Variants in XYLT1 observed in about 807,000 individuals in gnomAD.
The protein encoded by XYLT1 is xylosyltransferase 1, also known as beta-D-xylosyltransferase 1.
A neutral mutation model predicts 91.3 loss-of-function variants in XYLT1; 36 were observed. The observed-to-expected ratio is 0.39, with a 90% CI of 0.30 to 0.52. The LOEUF is 0.52. Ranked by LOEUF, XYLT1 falls within the 20% of genes least tolerant of loss-of-function variation. XYLT1 has a pLI of 0.68. For missense variants in XYLT1, 1,242 were observed against 1,284.5 expected, an observed-to-expected ratio of 0.97 and a Z score of 0.51; for synonymous variants, 588 against 532.0, an observed-to-expected ratio of 1.11 and a Z score of -1.45.
intron 2 of XYLT1, among the ~76,000 whole-genome samples, chr16:17,323,606 T>G (rs1019428059): frequency 6.6e-6 from 1 of 152,214 alleles, no homozygotes; most frequent in Non-Finnish European, 1.5e-5. Context: ...ACGGTTCACT[T>G]TATTCCCAGC....
intron 3 of XYLT1, among the ~76,000 whole-genome samples, chr16:17,224,884 A>G (rs779133617): frequency 6.6e-6 from 1 of 152,220 alleles, no homozygotes; most frequent in Non-Finnish European, 1.5e-5. Flanking sequence ...TTTGTGGGCC[A>G]TATGGTTCTC....
At position 17,304,699 on chromosome 16, in the gene XYLT1, A is replaced by C. The variant is rs73529390; in HGVS notation, c.403-45201T>G. ...AGTCATGGGAACCAAACAGGCTCTG[A>C]CCAAAGTTGCTGGACCAGTTAAACC... On this transcript the variant is annotated intron_variant, in intron 2 of 11. Coordinates refer to ENST00000261381, the MANE Select transcript of XYLT1 (RefSeq NM_022166.4). 5.6e-3 allele frequency among the ~76,000 whole-genome samples: 848 copies of C among 152,212 alleles called. 9 individuals carry two copies. Among genetic ancestry groups the C allele is most frequent in the African/African-American group, 0.019 (793 of 41,526 alleles).
chr16:17,222,515 C>A (rs373539719), intron 3 of XYLT1, among the ~76,000 whole-genome samples: 1 of 152,160 alleles, frequency 6.6e-6, no homozygotes, highest in African/African-American at 2.4e-5. Context: ...CTAGACCGGG[C>A]GCAGTGGCTT....
At chr16:17,427,184 A>T (rs1448853265) in intron 1 of XYLT1, among the ~76,000 whole-genome samples, 1 of 152,250 alleles carries the variant, frequency 6.6e-6, no homozygotes, top group African/African-American at 2.4e-5. Context: ...GTGTCCACGG[A>T]AGAGAAGGGA....
Position 17,107,002 on chromosome 16 carries a change from A to G in XYLT1, c.*1693T>C, listed in dbSNP as rs1597123193. 6.6e-6 allele frequency: 1 copy of G among 152,120 alleles called. No homozygotes were observed. Among genetic ancestry groups the G allele is most frequent in the East Asian group, 1.9e-4 (1 of 5,186 alleles). The allele number at this position is 152,120 out of a possible 1,614,324, so 9.4% of individuals were successfully genotyped here. On this transcript the variant is annotated 3_prime_UTR_variant, in exon 12 of 12. Transcript: ENST00000261381. ...ACACCAGGGGGTGGGAAAAGATGGG[A>G]AAAGGGGCCTTTTGTGAATAAAGGC... is the stretch of plus-strand genomic sequence containing the variant.
At chr16:17,189,632 G>A (rs1000548410) in intron 5 of XYLT1, among the ~76,000 whole-genome samples, 3 of 152,204 alleles carry the variant, frequency 2.0e-5, no homozygotes, top group African/African-American at 7.2e-5. Context: ...TAGAATATCA[G>A]CCATAAAAAG....
chr16:17,329,516 A>T (rs1368350632), intron 2 of XYLT1, among the ~76,000 whole-genome samples: 6 of 152,182 alleles, frequency 3.9e-5, no homozygotes, highest in Non-Finnish European at 8.8e-5. Context: ...TCAGTCAAAA[A>T]TGGCCTTTCT....
At chr16:17,232,405 C>CTGTG (rs1199361319) in intron 3 of XYLT1, among the ~76,000 whole-genome samples, 1,862 of 119,082 alleles carry the variant, frequency 0.016, 46 homozygotes, top group African/African-American at 0.052. Flanking sequence ...GTGTCTGTGT[C>CTGTG]TGTGTGTGTG....
intron 3 of XYLT1, among the ~76,000 whole-genome samples, chr16:17,230,198 G>A (rs1352455146): frequency 2.6e-5 from 4 of 152,176 alleles, no homozygotes; most frequent in Admixed American, 6.5e-5. Context: ...TGGTTGAAGC[G>A]ATTTGTTATG....
intron 2 of XYLT1, among the ~76,000 whole-genome samples, chr16:17,328,492 T>C (rs1165178601): frequency 1.5e-5 from 2 of 133,194 alleles, no homozygotes; most frequent in Non-Finnish European, 3.0e-5. Context: ...GAGGTTGCAG[T>C]GAGCTGAGAT....
intron 2 of XYLT1, among the ~76,000 whole-genome samples, chr16:17,335,428 C>T (rs1354697973): frequency 6.6e-6 from 1 of 152,032 alleles, no homozygotes; most frequent in Non-Finnish European, 1.5e-5. Context: ...AATCATTCAT[C>T]GAGTGTAATC....
At chr16:17,150,347 T>C (rs2031252204) in intron 6 of XYLT1, among the ~76,000 whole-genome samples, 1 of 152,226 alleles carries the variant, frequency 6.6e-6, no homozygotes, top group African/African-American at 2.4e-5. Context: ...GAGGAATTCA[T>C]TCCTTTAGCA....
chr16:17,408,234 T>A (rs2036059338), intron 1 of XYLT1, among the ~76,000 whole-genome samples: 1 of 152,234 alleles, frequency 6.6e-6, no homozygotes. Context: ...GAATAAATGA[T>A]GTTTTGCTTT....
intron 2 of XYLT1, among the ~76,000 whole-genome samples, chr16:17,268,024 C>T (rs745681139): frequency 2.0e-5 from 3 of 152,084 alleles, no homozygotes; most frequent in Non-Finnish European, 4.4e-5. Context: ...TTGGGGGTCC[C>T]TGAGGCCTTC....
At chr16:17,449,690 C>T (rs1031768015) in intron 1 of XYLT1, among the ~76,000 whole-genome samples, 2 of 152,164 alleles carry the variant, frequency 1.3e-5, no homozygotes, top group African/African-American at 4.8e-5. Context: ...ATGGTAGCTG[C>T]TAATTACTAT....
chr16:17,450,942 T>C (rs1043472507), intron 1 of XYLT1, among the ~76,000 whole-genome samples: 3 of 152,046 alleles, frequency 2.0e-5, no homozygotes, highest in African/African-American at 7.3e-5. Flanking sequence ...AAGTTCCGAG[T>C]TGGGGACATC....
At chr16:17,342,301 A>C (rs2035072945) in intron 2 of XYLT1, among the ~76,000 whole-genome samples, 1 of 152,154 alleles carries the variant, frequency 6.6e-6, no homozygotes, top group Non-Finnish European at 1.5e-5. Context: ...TTGCTCAAAC[A>C]CTGCTGCATG....
At chr16:17,200,018 C>T (rs934693393) in intron 4 of XYLT1, among the ~76,000 whole-genome samples, 2 of 151,752 alleles carry the variant, frequency 1.3e-5, no homozygotes, top group Non-Finnish European at 2.9e-5. Context: ...GTCAAGAGAT[C>T]GAGACCATCC....
At chr16:17,459,128 T>C (rs1274650603) in intron 1 of XYLT1, among the ~76,000 whole-genome samples, 1 of 152,098 alleles carries the variant, frequency 6.6e-6, no homozygotes, top group Non-Finnish European at 1.5e-5. Flanking sequence ...TCCCAGCAGT[T>C]TGGGAGGCTG....
Sources: allele counts gnomAD v4.1 joint callset (sites outside exome capture counted in the v4.1 genomes callset), GRCh38; gene constraint gnomAD v4.1.1; transcripts MANE v1.5; gene names NCBI Gene and HGNC (gene_info 2026-07-23, HGNC 2026-07-21).